Variants in SCN9A observed in about 807,000 individuals in gnomAD.
SCN9A encodes sodium channel protein type 9 subunit alpha.
Under a neutral mutation model 187.0 loss-of-function variants are expected in SCN9A, and 131 were observed. That is an observed-to-expected ratio of 0.70 (90% CI 0.61 to 0.81). SCN9A has a LOEUF of 0.81. Among genes scored for constraint, SCN9A ranks in the 30% least tolerant of loss-of-function variants. The probability of loss-of-function intolerance (pLI) is 0.00; values close to 1 mark genes in which losing one functional copy is unlikely to be tolerated. For synonymous variants in SCN9A, 809 were observed against 808.6 expected (o/e 1.00, Z -0.01); for missense variants, 2,252 against 2,396.6 (o/e 0.94, Z 1.26).
chr2:166,349,677 A>G (rs780798844), intron 1 of SCN9A, among the ~76,000 whole-genome samples: 6 of 152,196 alleles, frequency 3.9e-5, no homozygotes, highest in Non-Finnish European at 8.8e-5. Context: ...TGCCGTGTAT[A>G]TAACAATACC....
intron 24 of SCN9A, among the ~76,000 whole-genome samples, chr2:166,225,651 G>C (rs995304283): frequency 2.6e-5 from 4 of 152,152 alleles, no homozygotes; most frequent in Non-Finnish European, 5.9e-5. Context: ...TAGCACTTCA[G>C]AATGTGACCT....
intron 1 of SCN9A, among the ~76,000 whole-genome samples, chr2:166,316,843 T>G (rs1699122425): frequency 6.6e-6 from 1 of 152,188 alleles, no homozygotes; most frequent in Non-Finnish European, 1.5e-5. Context: ...CTCTAACATG[T>G]ATAAATATAT....
rs555871693 is a variant in SCN9A, at chr2:166,200,243, C to T, written c.4775-379G>A. On this transcript the variant is annotated intron_variant, in intron 26 of 26. Transcript: ENST00000642356. Reference sequence around the variant, plus strand: ...CGATCTCCTGACCTCGTGATCCGCCCGCCTCGGCCTCCCAAAGTGCTGGGA... The same window carrying T: ...CGATCTCCTGACCTCGTGATCCGCCTGCCTCGGCCTCCCAAAGTGCTGGGA... 1.9e-4 allele frequency among the ~76,000 whole-genome samples: 29 copies of T among 151,224 alleles called. No individual in the cohort carries two copies. The East Asian group carries it at 4.5e-3, about 23-fold the overall frequency.
chr2:166,329,858 C>G (rs1553501252), intron 1 of SCN9A, among the ~76,000 whole-genome samples: 1 of 152,134 alleles, frequency 6.6e-6, no homozygotes, highest in Admixed American at 6.5e-5. Context: ...TACAATTCCT[C>G]CCTCTTGTGT....
Position 166,227,249 on chromosome 2 carries a change from ATTT to A in SCN9A, c.4260+418_4260+420del, listed in dbSNP as rs1694878988. Among the ~76,000 whole-genome samples, 3 of 152,226 alleles carry A rather than the reference ATTT, an allele frequency of 2.0e-5. No homozygotes were observed. In the South Asian group the frequency reaches 6.2e-4, roughly 32 times the overall value. On this transcript the variant is annotated intron_variant, in intron 23 of 26. Coordinates refer to ENST00000642356, the MANE Select transcript of SCN9A (RefSeq NM_001365536.1). ...TATACATTAAAATTATTTTATTTTTATTTTGATAAGCGCATATTTACTGAGCAT... is the reference window on the plus strand; with the variant it reads ...TATACATTAAAATTATTTTATTTTTATGATAAGCGCATATTTACTGAGCAT...
In SCN9A at chr2:166,307,184, G is replaced by A. The variant is rs1308258208; in HGVS notation, c.259-110C>T. On this transcript the variant is annotated intron_variant, in intron 2 of 26. Coordinates refer to ENST00000642356, the MANE Select transcript of SCN9A (RefSeq NM_001365536.1). ...GGCAGTGTTATATTGAAGAAACACT[G>A]CCATCAGACTCCAGCAATGTGGTTC... The A allele has an allele frequency of 4.8e-6, 3 of 623,510 alleles. No individual in the cohort carries two copies. In the African/African-American group the frequency reaches 5.5e-5, roughly 12 times the overall value. The allele number at this position is 623,510 out of a possible 1,614,324, so 38.6% of individuals were successfully genotyped here.
chr2:166,271,722 G>A (rs1477077193), intron 17 of SCN9A, among the ~76,000 whole-genome samples: 1 of 152,012 alleles, frequency 6.6e-6, no homozygotes, highest in African/African-American at 2.4e-5. Context: ...GCTGGGTGTT[G>A]TGGCATGGGT....
At chr2:166,344,225 G>C (rs1215806519) in intron 1 of SCN9A, among the ~76,000 whole-genome samples, 1 of 151,960 alleles carries the variant, frequency 6.6e-6, no homozygotes, top group African/African-American at 2.4e-5. Flanking sequence ...AAGGTTAAAA[G>C]TATATCAAAA....
chr2:166,278,391 T>TTA, intron 14 of SCN9A, 78 bp from the exon 15 acceptor site: 1 of 1,220,796 alleles, frequency 8.2e-7, no homozygotes, highest in Non-Finnish European at 1.1e-6. Flanking sequence ...CACTGTTTGC[T>TTA]TAGCATTTAC....
At chr2:166,353,222 CAA>C (rs112222195) in intron 1 of SCN9A, among the ~76,000 whole-genome samples, 6 of 80,782 alleles carry the variant, frequency 7.4e-5, no homozygotes, top group Non-Finnish European at 1.3e-4. Context: ...TCCCTGTTTC[CAA>C]AAAAAAAAAA....
At chr2:166,247,280 A>C (rs573274650) in intron 18 of SCN9A, among the ~76,000 whole-genome samples, 49 of 151,916 alleles carry the variant, frequency 3.2e-4, no homozygotes, top group African/African-American at 1.1e-3. Flanking sequence ...AAAATTGATT[A>C]TGAAAACAAG....
chr2:166,225,688 G>A (rs1218962415), intron 24 of SCN9A, among the ~76,000 whole-genome samples: 4 of 152,182 alleles, frequency 2.6e-5, no homozygotes, highest in African/African-American at 9.6e-5. Context: ...CATTGCAGAT[G>A]TAATTAAGAT....
intron 15 of SCN9A, 51 bp from the exon 16 acceptor site, chr2:166,277,390 T>C (rs1440038290): frequency 3.2e-6 from 4 of 1,263,754 alleles, no homozygotes; most frequent in Admixed American, 2.1e-5. Context: ...ATCTTTTCAA[T>C]GTTTCCAATC....
intron 17 of SCN9A, among the ~76,000 whole-genome samples, chr2:166,271,705 A>G (rs929186248): frequency 6.6e-6 from 1 of 151,978 alleles, no homozygotes; most frequent in African/African-American, 2.4e-5. Flanking sequence ...CTTTTTTAAA[A>G]AAATTAGCTG....
At position 166,199,487 on chromosome 2, in the gene SCN9A, T is replaced by C. The variant is rs199806034; in HGVS notation, c.5152A>G (p.Lys1718Glu). The change falls in exon 27 of 27, where the codon AAA (lysine) becomes GAA (glutamate). Residue 1718 changes from lysine (K) to glutamate (E), a missense_variant. Transcript: ENST00000642356. ...LNSKPPDCDPKKVHPGSSVEG... is the reference protein window; with the variant it reads ...LNSKPPDCDPEKVHPGSSVEG... ...ACTGAACTTCCAGGATGAACTTTTT[T>C]TGGGTCACAGTCGGGTGGCTTACTG... 26 of 1,614,196 alleles carry C rather than the reference T, an allele frequency of 1.6e-5. No homozygotes were observed. Among genetic ancestry groups the C allele is most frequent in the South Asian group, 1.3e-4 (12 of 91,082 alleles).
At chr2:166,363,226 A>G (rs77579497) in intron 1 of SCN9A, among the ~76,000 whole-genome samples, 3,585 of 152,166 alleles carry the variant, frequency 0.024, 71 homozygotes, top group Non-Finnish European at 0.037. Context: ...AAGATTCTAA[A>G]TAGTAGAAAT....
At chr2:166,297,366 C>G (rs1347477830) in intron 7 of SCN9A, among the ~76,000 whole-genome samples, 1 of 151,960 alleles carries the variant, frequency 6.6e-6, no homozygotes, top group Non-Finnish European at 1.5e-5. Context: ...ACCCAAATGT[C>G]CATCAACTGA....
At chr2:166,303,324 G>C in intron 6 of SCN9A, 22 bp from the exon 7 acceptor site, 2 of 1,590,332 alleles carry the variant, frequency 1.3e-6, no homozygotes, top group Non-Finnish European at 1.7e-6. Context: ...AGAAAAAAGT[G>C]TTTGTAATGA....
intron 17 of SCN9A, among the ~76,000 whole-genome samples, chr2:166,252,306 C>T (rs374484854): frequency 5.3e-5 from 8 of 151,842 alleles, no homozygotes; most frequent in African/African-American, 1.9e-4. Context: ...TTACTAATGC[C>T]TGATCATTGA....
Sources: gnomAD v4.1 joint callset for allele counts (sites outside exome capture counted in the v4.1 genomes callset) on GRCh38, gnomAD v4.1.1 for gene constraint, MANE v1.5 for transcripts, NCBI Gene and HGNC (gene_info 2026-07-23, HGNC 2026-07-21) for gene names.